Variants in NPFFR2 observed in about 807,000 individuals in gnomAD.
NPFFR2 encodes G-protein coupled receptor 74.
NPFFR2 carries 15 observed loss-of-function variants against 13.1 expected under a neutral mutation model. That is an observed-to-expected ratio of 1.15 (90% confidence interval 0.77 to 1.76). NPFFR2 has a LOEUF of 1.76. Ranked by LOEUF, NPFFR2 falls within the 40% of genes most tolerant of loss-of-function variation. The pLI is 0.00. For synonymous variants in NPFFR2, 190 were observed against 175.7 expected, an observed-to-expected ratio of 1.08 and a Z score of -0.65; for missense variants, 572 against 503.5, an observed-to-expected ratio of 1.14 and a Z score of -1.30.
chr4:72,089,865 T>C (rs1277072908), intron 1 of NPFFR2, among the ~76,000 whole-genome samples: 1 of 152,178 alleles, frequency 6.6e-6, no homozygotes, highest in Non-Finnish European at 1.5e-5. Context: ...TTGCATTTGC[T>C]TTTGGGTTCT....
intron 1 of NPFFR2, among the ~76,000 whole-genome samples, chr4:72,111,798 A>G (rs1446992773): frequency 2.0e-5 from 3 of 152,036 alleles, no homozygotes; most frequent in Admixed American, 2.0e-4. Flanking sequence ...GCTAAAGGCC[A>G]TTAACCAGTG....
chr4:72,070,013 C>T (rs1282059356), intron 1 of NPFFR2, among the ~76,000 whole-genome samples: 1 of 152,056 alleles, frequency 6.6e-6, no homozygotes, highest in African/African-American at 2.4e-5. Flanking sequence ...TAATATTAGT[C>T]TAATATATCA....
chr4:72,110,967 G>A (rs1721550786), intron 1 of NPFFR2, among the ~76,000 whole-genome samples: 2 of 151,970 alleles, frequency 1.3e-5, no homozygotes, highest in South Asian at 4.1e-4. Flanking sequence ...AACTGCAAAA[G>A]CCTAAGTAAG....
At chr4:72,075,425 C>A (rs1440725794) in intron 1 of NPFFR2, among the ~76,000 whole-genome samples, 1 of 152,030 alleles carries the variant, frequency 6.6e-6, no homozygotes, top group Admixed American at 6.6e-5. Context: ...TACCAAAATA[C>A]ATGAGGTAAG....
intron 1 of NPFFR2, among the ~76,000 whole-genome samples, chr4:72,108,265 G>A (rs9997870): frequency 0.056 from 8,550 of 151,972 alleles, 736 homozygotes; most frequent in African/African-American, 0.18. Context: ...GCAATACTTA[G>A]GGATAGCCTA....
intron 3 of NPFFR2, among the ~76,000 whole-genome samples, chr4:72,140,009 C>T (rs1722551474): frequency 6.6e-6 from 1 of 152,056 alleles, no homozygotes; most frequent in African/African-American, 2.4e-5. Flanking sequence ...ATTTTATTCT[C>T]TTTGTAGCAA....
intron 1 of NPFFR2, among the ~76,000 whole-genome samples, chr4:72,074,862 A>G (rs1001983722): frequency 6.6e-6 from 1 of 150,834 alleles, no homozygotes; most frequent in African/African-American, 2.4e-5. Flanking sequence ...AAAAATTCAG[A>G]AGAATGGCTA....
intron 1 of NPFFR2, among the ~76,000 whole-genome samples, chr4:72,040,999 T>A (rs1001286208): frequency 1.3e-5 from 2 of 151,676 alleles, no homozygotes; most frequent in Admixed American, 6.6e-5. Context: ...TTTTAAAAAA[T>A]TTTTAACTTA....
chr4:72,064,202 C>T (rs2109777501), intron 1 of NPFFR2, among the ~76,000 whole-genome samples: 1 of 152,352 alleles, frequency 6.6e-6, no homozygotes, highest in African/African-American at 2.4e-5. Context: ...CAATATTAAT[C>T]TCACAGTTTC....
chr4:72,072,168 A>G (rs902031219), intron 1 of NPFFR2, among the ~76,000 whole-genome samples: 2 of 152,142 alleles, frequency 1.3e-5, no homozygotes, highest in African/African-American at 2.4e-5. Context: ...ACCAGAAATC[A>G]TAAAGCATAT....
At chr4:72,081,245 A>G (rs1720608765) in intron 1 of NPFFR2, among the ~76,000 whole-genome samples, 3 of 152,160 alleles carry the variant, frequency 2.0e-5, no homozygotes, top group Admixed American at 6.6e-5. Context: ...TTGTTTCTGT[A>G]TCATCTGTGG....
chr4:72,121,708 T>C (rs1301545896), intron 1 of NPFFR2, among the ~76,000 whole-genome samples: 2 of 152,110 alleles, frequency 1.3e-5, no homozygotes, highest in African/African-American at 4.8e-5. Flanking sequence ...TGCTGAGAGA[T>C]TTTGTCACCA....
chr4:72,114,194 T>C (rs1232051595), intron 1 of NPFFR2, among the ~76,000 whole-genome samples: 1 of 152,092 alleles, frequency 6.6e-6, no homozygotes, highest in African/African-American at 2.4e-5. Flanking sequence ...ATAAAATTCA[T>C]TGAATTTTTA....
chr4:72,098,799 G>T (rs756277094), intron 1 of NPFFR2, among the ~76,000 whole-genome samples: 28 of 152,132 alleles, frequency 1.8e-4, no homozygotes, highest in Non-Finnish European at 3.4e-4. Flanking sequence ...ACAGACAGAG[G>T]GAAATGGGCA....
chr4:72,049,349 A>G (rs1719474640), intron 1 of NPFFR2, among the ~76,000 whole-genome samples: 1 of 152,132 alleles, frequency 6.6e-6, no homozygotes, highest in African/African-American at 2.4e-5. Context: ...CTCATAAAAG[A>G]CATATATGTG....
At chr4:72,116,400 C>CGCTGGGG (rs1560415806) in intron 1 of NPFFR2, among the ~76,000 whole-genome samples, 1 of 151,330 alleles carries the variant, frequency 6.6e-6, no homozygotes, top group Non-Finnish European at 1.5e-5. Context: ...GGACAATGGA[C>CGCTGGGG]ACTGGGGACT....
Position 72,032,132 on chromosome 4 carries a change from C to T in NPFFR2, c.-76C>T, listed in dbSNP as rs1162819564. ...AAAGTAGCTGGAGCCGGAGCAGGGA[C>T]AGAACCTGTTGCTGCAGACGGGCTT... On this transcript the variant is annotated 5_prime_UTR_variant, in exon 1 of 4. Transcript: ENST00000308744. 6.2e-7 allele frequency: 1 copy of T among 1,614,110 alleles called. No individual in the cohort carries two copies.
chr4:72,127,355 C>CTTTTTTTTTTTTTTT lies in NPFFR2; in HGVS notation c.-7-1226_-7-1225insTTTTTTTTTTTTTTT, dbSNP rs1341571145. 4.0e-3 allele frequency among the ~76,000 whole-genome samples: 367 copies of CTTTTTTTTTTTTTTT among 91,176 alleles called. 41 individuals carry two copies. Among genetic ancestry groups the CTTTTTTTTTTTTTTT allele is most frequent in the African/African-American group, 0.015 (324 of 21,682 alleles). The allele number at this position is 91,176 out of a possible 152,430, so 59.8% of individuals were successfully genotyped here. A position where few individuals can be genotyped will look rare whatever the true frequency, so the allele number is the denominator to read the frequency against. On this transcript the variant is annotated intron_variant, in intron 1 of 3. Transcript: ENST00000308744. ...AAGTCATACAGATTCTAAATAATTTCTTTTCTTTTTTTTTTTTTTTTTTTT... is the reference window on the plus strand; with the variant it reads ...AAGTCATACAGATTCTAAATAATTTCTTTTTTTTTTTTTTTTTTTCTTTTTTTTTTTTTTTTTTTT...
At position 72,112,689 on chromosome 4, in the gene NPFFR2, T is replaced by C. The variant is rs542036451; in HGVS notation, c.-7-15896T>C. 1.4e-3 allele frequency among the ~76,000 whole-genome samples: 216 copies of C among 151,972 alleles called. 1 individual carries two copies. The highest frequency in any genetic ancestry group is 9.1e-3 in the Admixed American group (139 of 15,250). On this transcript the variant is annotated intron_variant, in intron 1 of 3. Coordinates refer to ENST00000308744, the MANE Select transcript of NPFFR2 (RefSeq NM_004885.3). ...TGAAAAGACATATGACACTTGTGAGTCATATGTCTCATATGTCTCACAATG... is the reference window on the plus strand; with the variant it reads ...TGAAAAGACATATGACACTTGTGAGCCATATGTCTCATATGTCTCACAATG...
Sources: allele counts gnomAD v4.1 joint callset (sites outside exome capture counted in the v4.1 genomes callset), GRCh38; gene constraint gnomAD v4.1.1; transcripts MANE v1.5; gene names NCBI Gene and HGNC (gene_info 2026-07-23, HGNC 2026-07-21).